The following KIAA1671 variants were observed in gnomAD, a reference collection of about 807,000 sequenced individuals.
KIAA1671 encodes the protein uncharacterized protein KIAA1671.
Under a neutral mutation model 131.2 loss-of-function variants are expected in KIAA1671, and 52 were observed. That is an observed-to-expected ratio of 0.40 (90% CI 0.32 to 0.50). KIAA1671 has a LOEUF of 0.50. KIAA1671 is among the 20% of genes least tolerant of loss of function. The pLI is 0.73. For missense variants in KIAA1671, 2,360 were observed against 2,364.2 expected, an observed-to-expected ratio of 1.00 and a Z score of 0.04; for synonymous variants, 1,003 against 961.6, an observed-to-expected ratio of 1.04 and a Z score of -0.80.
At chr22:24,997,463 C>G (rs1046676975) in intron 1 of KIAA1671, among the ~76,000 whole-genome samples, 3 of 152,234 alleles carry the variant, frequency 2.0e-5, no homozygotes, top group East Asian at 1.9e-4. Context: ...GTATGAAAAA[C>G]AATCATGACA....
chr22:25,147,518 C>T (rs1932905592), intron 6 of KIAA1671, among the ~76,000 whole-genome samples: 3 of 152,162 alleles, frequency 2.0e-5, no homozygotes, highest in Admixed American at 1.3e-4. Context: ...TAACAATACC[C>T]CCACCTCCAG....
intron 6 of KIAA1671, chr22:25,050,707 A>T (rs1927489054): frequency 6.6e-6 from 1 of 152,222 alleles, no homozygotes; most frequent in South Asian, 2.1e-4. Flanking sequence ...CCGGGGAGGA[A>T]CTCAGATCCC....
At chr22:25,164,574 G>GT (rs1190733129) in intron 6 of KIAA1671, among the ~76,000 whole-genome samples, 6 of 152,188 alleles carry the variant, frequency 3.9e-5, no homozygotes. Flanking sequence ...TCACTAAGGT[G>GT]TTTTTTACAG....
chr22:25,034,697 A>ATTTCT (rs1382053757), intron 4 of KIAA1671, among the ~76,000 whole-genome samples: 1 of 151,800 alleles, frequency 6.6e-6, no homozygotes, highest in Non-Finnish European at 1.5e-5. Flanking sequence ...AAGAGCTTCT[A>ATTTCT]TTTCTTTTCT....
In KIAA1671 at chr22:25,192,930, T is replaced by G. The variant is rs1256381347; in HGVS notation, c.*529T>G. ...CTGGGTTGAGGTTTTCTATTCTTTTTTTTTGGTGAGTTCCTTCTTCCCCTT... is the reference window on the plus strand; with the variant it reads ...CTGGGTTGAGGTTTTCTATTCTTTTGTTTTGGTGAGTTCCTTCTTCCCCTT... On this transcript the variant is annotated 3_prime_UTR_variant, in exon 13 of 13. Transcript: ENST00000358431. 6.6e-6 allele frequency: 1 copy of G among 152,182 alleles called. No homozygotes were observed. The highest frequency in any genetic ancestry group is 2.4e-5 in the African/African-American group (1 of 41,444). The allele number at this position is 152,182 out of a possible 1,614,324, so 9.4% of individuals were successfully genotyped here.
At chr22:25,159,424 T>A (rs1933361491) in intron 6 of KIAA1671, among the ~76,000 whole-genome samples, 1 of 152,074 alleles carries the variant, frequency 6.6e-6, no homozygotes. Flanking sequence ...GGACGTCAGG[T>A]CCAGGGAGAT....
intron 1 of KIAA1671, among the ~76,000 whole-genome samples, chr22:24,983,683 G>A (rs551124162): frequency 7.2e-4 from 107 of 148,422 alleles, no homozygotes; most frequent in Non-Finnish European, 1.3e-3. Context: ...TCTGGCAGGA[G>A]TGCGGCACAG....
chr22:24,977,181 G>C (rs1245787830), intron 1 of KIAA1671, among the ~76,000 whole-genome samples: 1 of 152,118 alleles, frequency 6.6e-6, no homozygotes, highest in African/African-American at 2.4e-5. Flanking sequence ...ACGTTTCCAC[G>C]ATCAGCATCA....
intron 6 of KIAA1671, among the ~76,000 whole-genome samples, chr22:25,125,084 A>G (rs1329856762): frequency 2.0e-5 from 3 of 152,174 alleles, no homozygotes; most frequent in Non-Finnish European, 4.4e-5. Flanking sequence ...ATGCAAAGTT[A>G]GCTGCTGGTC....
chr22:25,083,412 G>A (rs1027667754), intron 6 of KIAA1671, among the ~76,000 whole-genome samples: 1 of 144,570 alleles, frequency 6.9e-6, no homozygotes, highest in Non-Finnish European at 1.5e-5. Context: ...AGGGGGTTAG[G>A]GCTTCAATAT....
chr22:25,008,495 G>A (rs1046609368), intron 1 of KIAA1671, among the ~76,000 whole-genome samples: 1 of 152,156 alleles, frequency 6.6e-6, no homozygotes, highest in African/African-American at 2.4e-5. Flanking sequence ...CAGCACTTGG[G>A]TAGCACTTAA....
rs1218852311 is a variant in KIAA1671, at chr22:25,093,733, ACACACTCT to A, written c.4530+44371_4530+44378del. Among the ~76,000 whole-genome samples, 8 of 33,242 alleles carry A rather than the reference ACACACTCT, an allele frequency of 2.4e-4. 1 individual carries two copies. In the South Asian group the frequency reaches 4.4e-3, roughly 18 times the overall value. The allele number at this position is 33,242 out of a possible 152,430, so 21.8% of individuals were successfully genotyped here. On this transcript the variant is annotated intron_variant, in intron 6 of 12. Transcript: ENST00000358431. ...CACACACACACACACACACACACACACACACTCTCTCTCTCTCTCTCTCTCTCTCTCTC... is the reference window on the plus strand; with the variant it reads ...CACACACACACACACACACACACACACTCTCTCTCTCTCTCTCTCTCTCTC...
At chr22:25,167,320 C>G (rs868282953) in intron 6 of KIAA1671, among the ~76,000 whole-genome samples, 6 of 152,196 alleles carry the variant, frequency 3.9e-5, no homozygotes, top group African/African-American at 1.4e-4. Context: ...CCTGGTGACT[C>G]TATACCTAGT....
chr22:24,966,861 C>T (rs1010382434), intron 1 of KIAA1671, among the ~76,000 whole-genome samples: 9 of 152,154 alleles, frequency 5.9e-5, no homozygotes, highest in Admixed American at 1.3e-4. Context: ...GAGGCTGAGG[C>T]ATGAGGATAG....
At chr22:25,165,150 C>T (rs1933603639) in intron 6 of KIAA1671, among the ~76,000 whole-genome samples, 1 of 152,080 alleles carries the variant, frequency 6.6e-6, no homozygotes, top group South Asian at 2.1e-4. Context: ...AGGATACTAA[C>T]TAGAGAAAGT....
chr22:25,118,655 C>T (rs1931794280), intron 6 of KIAA1671, among the ~76,000 whole-genome samples: 1 of 152,114 alleles, frequency 6.6e-6, no homozygotes, highest in African/African-American at 2.4e-5. Flanking sequence ...ACTCTGGCCC[C>T]TCCCATCCAG....
At chr22:25,147,896 A>T (rs1601356677) in intron 6 of KIAA1671, among the ~76,000 whole-genome samples, 1 of 152,128 alleles carries the variant, frequency 6.6e-6, no homozygotes, top group East Asian at 1.9e-4. Context: ...TTGTAGATGA[A>T]GACATTGACA....
intron 1 of KIAA1671, among the ~76,000 whole-genome samples, chr22:24,975,825 T>C (rs1922883185): frequency 6.6e-6 from 1 of 152,094 alleles, no homozygotes; most frequent in Non-Finnish European, 1.5e-5. Flanking sequence ...GGGATCCAAA[T>C]TCCCTGCCAA....
intron 6 of KIAA1671, among the ~76,000 whole-genome samples, chr22:25,103,640 G>C (rs1418432417): frequency 6.6e-6 from 1 of 152,120 alleles, no homozygotes; most frequent in African/African-American, 2.4e-5. Context: ...TTACAGGTGT[G>C]AGCCACTGCA....
Sources: gnomAD v4.1 joint callset for allele counts (sites outside exome capture counted in the v4.1 genomes callset) on GRCh38, gnomAD v4.1.1 for gene constraint, MANE v1.5 for transcripts, NCBI Gene and HGNC (gene_info 2026-07-23, HGNC 2026-07-21) for gene names.